Variants in NRXN1 observed in about 807,000 individuals in gnomAD.
The protein encoded by NRXN1 is neurexin-1.
Under a neutral mutation model 150.9 loss-of-function variants are expected in NRXN1, and 39 were observed. The ratio of observed to expected loss-of-function variants is 0.26; its 90% CI spans 0.20 to 0.34. NRXN1 has a LOEUF of 0.34. NRXN1 is among the 10% of genes least tolerant of loss of function. NRXN1 has a pLI of 1.00. For synonymous variants in NRXN1, 924 were observed against 757.0 expected, an observed-to-expected ratio of 1.22 and a Z score of -3.62; for missense variants, 1,815 against 1,949.9, an observed-to-expected ratio of 0.93 and a Z score of 1.30.
chr2:50,990,075 A>T (rs1399422908), intron 2 of NRXN1, among the ~76,000 whole-genome samples: 1 of 151,984 alleles, frequency 6.6e-6, no homozygotes, highest in African/African-American at 2.4e-5. Flanking sequence ...ATGACTAATG[A>T]TGTTGAGCAT....
chr2:50,774,374 C>T (rs1703357715), intron 5 of NRXN1, among the ~76,000 whole-genome samples: 1 of 152,120 alleles, frequency 6.6e-6, no homozygotes. Flanking sequence ...GCATTTAGTA[C>T]ATTTGAGTAT....
At chr2:50,446,924 G>A (rs2086465876) in intron 17 of NRXN1, among the ~76,000 whole-genome samples, 1 of 152,072 alleles carries the variant, frequency 6.6e-6, no homozygotes, top group Non-Finnish European at 1.5e-5. Context: ...TTGAGGGAAA[G>A]TGCCCTGCAT....
At chr2:50,761,238 C>T (rs1299925208) in intron 5 of NRXN1, among the ~76,000 whole-genome samples, 1 of 151,824 alleles carries the variant, frequency 6.6e-6, no homozygotes, top group African/African-American at 2.4e-5. Context: ...TGGCTATTCA[C>T]AGGTGTTATG....
At chr2:50,036,173 T>C (rs1558741580) in intron 21 of NRXN1, among the ~76,000 whole-genome samples, 1 of 152,078 alleles carries the variant, frequency 6.6e-6, no homozygotes, top group Non-Finnish European at 1.5e-5. Flanking sequence ...CAGGCGGAGG[T>C]AACTGAATCA....
chr2:50,929,315 T>C (rs1318425985), intron 2 of NRXN1, among the ~76,000 whole-genome samples: 1 of 152,024 alleles, frequency 6.6e-6, no homozygotes, highest in Non-Finnish European at 1.5e-5. Context: ...TGGAATAAAA[T>C]ATCACAAAAA....
chr2:49,991,523 A>T (rs904607041), intron 21 of NRXN1, among the ~76,000 whole-genome samples: 3 of 152,182 alleles, frequency 2.0e-5, no homozygotes, highest in Non-Finnish European at 4.4e-5. Flanking sequence ...AAATCAAACA[A>T]AATATCTAAA....
At chr2:50,492,609 G>C (rs1321638542) in intron 15 of NRXN1, among the ~76,000 whole-genome samples, 1 of 152,136 alleles carries the variant, frequency 6.6e-6, no homozygotes, top group Non-Finnish European at 1.5e-5. Context: ...GGAGCAGGTT[G>C]AGGTTTCCCC....
intron 5 of NRXN1, among the ~76,000 whole-genome samples, chr2:50,828,247 A>T (rs1427944103): frequency 6.8e-6 from 1 of 147,056 alleles, no homozygotes; most frequent in East Asian, 2.1e-4. Flanking sequence ...CACCTCCCGG[A>T]CGGGGCGGCT....
intron 18 of NRXN1, among the ~76,000 whole-genome samples, chr2:50,168,067 AATATCTT>A (rs2059794957): frequency 6.6e-6 from 1 of 151,968 alleles, no homozygotes; most frequent in Non-Finnish European, 1.5e-5. Context: ...GCAATGCAGC[AATATCTT>A]GTTTGAATGC....
chr2:50,119,570 A>C (rs1703568144), intron 18 of NRXN1, among the ~76,000 whole-genome samples: 1 of 152,062 alleles, frequency 6.6e-6, no homozygotes. Context: ...AAAAAAGAAA[A>C]AAAAAAAAAC....
At chr2:50,120,135 T>C (rs542040320) in intron 18 of NRXN1, among the ~76,000 whole-genome samples, 1 of 149,408 alleles carries the variant, frequency 6.7e-6, no homozygotes, top group South Asian at 2.1e-4. Context: ...TTGTAATTAT[T>C]CACTTTGTTT....
intron 2 of NRXN1, among the ~76,000 whole-genome samples, chr2:51,002,565 G>C (rs541238098): frequency 2.0e-5 from 3 of 151,998 alleles, no homozygotes; most frequent in Middle Eastern, 3.4e-3. Flanking sequence ...GCTTAGTTAT[G>C]AGTCTGAAAG....
At chr2:50,356,155 A>C (rs1038865779) in intron 17 of NRXN1, among the ~76,000 whole-genome samples, 4 of 152,174 alleles carry the variant, frequency 2.6e-5, no homozygotes, top group Non-Finnish European at 4.4e-5. Context: ...TAAATTCTTA[A>C]CTGTAGGGTT....
intron 21 of NRXN1, among the ~76,000 whole-genome samples, chr2:50,025,316 A>G (rs1311827740): frequency 1.3e-5 from 2 of 152,226 alleles, no homozygotes; most frequent in Non-Finnish European, 2.9e-5. Flanking sequence ...TGTAAACAAG[A>G]TTTGGGGAAC....
At chr2:50,316,525 A>C (rs1179561322) in intron 17 of NRXN1, among the ~76,000 whole-genome samples, 1 of 152,084 alleles carries the variant, frequency 6.6e-6, no homozygotes, top group Non-Finnish European at 1.5e-5. Flanking sequence ...GGATTAAGCA[A>C]TCTGTGAGAA....
chr2:50,424,106 TGAGA>T (rs2084244278), intron 17 of NRXN1, among the ~76,000 whole-genome samples: 1 of 129,306 alleles, frequency 7.7e-6, no homozygotes, highest in Non-Finnish European at 1.6e-5. Context: ...TTACCTTACA[TGAGA>T]AAGAAGAAGA....
intron 15 of NRXN1, among the ~76,000 whole-genome samples, chr2:50,474,683 CA>C (rs754558377): frequency 0.093 from 5,114 of 54,802 alleles, 156 homozygotes; most frequent in East Asian, 0.33. Context: ...ACAGAAATAG[CA>C]AAAAAAAAAA....
intron 5 of NRXN1, among the ~76,000 whole-genome samples, chr2:50,836,208 T>A (rs1246707483): frequency 6.6e-6 from 1 of 152,180 alleles, no homozygotes; most frequent in Non-Finnish European, 1.5e-5. Context: ...TTTAGGTTTT[T>A]AATCGACAAA....
intron 5 of NRXN1, among the ~76,000 whole-genome samples, chr2:50,902,465 A>C (rs1683094916): frequency 6.6e-6 from 1 of 152,200 alleles, no homozygotes; most frequent in South Asian, 2.1e-4. Context: ...ATAACTCTAA[A>C]CCAGAAATCA....
Sources: allele counts gnomAD v4.1 joint callset (sites outside exome capture counted in the v4.1 genomes callset), GRCh38; gene constraint gnomAD v4.1.1; transcripts MANE v1.5; gene names NCBI Gene and HGNC (gene_info 2026-07-23, HGNC 2026-07-21).